The following INTS10 variants were observed in gnomAD, a reference collection of about 807,000 sequenced individuals.
INTS10 encodes the protein chromosome 8 open reading frame 35.
Under a neutral mutation model 94.4 loss-of-function variants are expected in INTS10, and 44 were observed. The ratio of observed to expected loss-of-function variants is 0.47; its 90% confidence interval spans 0.37 to 0.60. The LOEUF (loss-of-function observed/expected upper bound fraction) is 0.60, where lower values mean the gene tolerates loss of function less well. INTS10 is among the 20% of genes least tolerant of loss of function. The pLI is 0.00. For missense variants in INTS10, 797 were observed against 868.7 expected, an observed-to-expected ratio of 0.92 and a Z score of 1.04; for synonymous variants, 341 against 320.7, an observed-to-expected ratio of 1.06 and a Z score of -0.68.
Position 19,817,437 on chromosome 8 carries a change from C to T in INTS10, c.-101C>T, listed in dbSNP as rs905728886. The T allele has an allele frequency of 2.3e-5, 32 of 1,384,428 alleles. No homozygotes were observed. The highest frequency in any genetic ancestry group is 1.3e-4 in the Admixed American group (6 of 46,964). 85.8% of individuals were successfully genotyped at this position (1,384,428 alleles called of 1,614,324 possible). A position where few individuals can be genotyped will look rare whatever the true frequency, so the allele number is the denominator to read the frequency against. ...CTCCAGACATGCGCAGTAGCCTCCC[C>T]CGCGGTGGCGGCGGCGGCGGCGGTG... On this transcript the variant is annotated 5_prime_UTR_variant, in exon 1 of 17. Coordinates refer to ENST00000397977, the MANE Select transcript of INTS10 (RefSeq NM_018142.4).
At position 19,830,641 on chromosome 8, in the gene INTS10, C is replaced by A. The variant is rs568636976; in HGVS notation, c.1294+82C>A. The A allele has an allele frequency of 1.3e-4, 169 of 1,308,202 alleles. 1 individual carries two copies. Among genetic ancestry groups the A allele is most frequent in the South Asian group, 5.9e-4 (44 of 74,658 alleles). The allele number at this position is 1,308,202 out of a possible 1,614,324, so 81.0% of individuals were successfully genotyped here. The stretch of plus-strand genomic sequence containing the variant: ...ACTTCAAATGTCAGGTCACTTACGG[C>A]AAATTAAGTTGATTACAGTAGTTCA... On this transcript the variant is annotated intron_variant, in intron 10 of 16. Transcript: ENST00000397977.
At chr8:19,823,847 T>A (rs186431945) in intron 6 of INTS10, 26 bp from the exon 7 acceptor site, 48 of 1,555,470 alleles carry the variant, frequency 3.1e-5, no homozygotes, top group Non-Finnish European at 2.3e-5. Flanking sequence ...ATGTTAATTG[T>A]AGGCTACTTT....
At chr8:19,837,219 T>G in intron 13 of INTS10, 59 bp downstream of exon 13, 3 of 1,067,220 alleles carry the variant, frequency 2.8e-6, no homozygotes, top group Non-Finnish European at 4.3e-6. Context: ...CCAGGCACGG[T>G]GGCTCACACT....
At chr8:19,835,955 T>A (rs1325865812) in intron 12 of INTS10, among the ~76,000 whole-genome samples, 1 of 151,876 alleles carries the variant, frequency 6.6e-6, no homozygotes, top group Non-Finnish European at 1.5e-5. Context: ...TGAGAACACA[T>A]GGACACAGGC....
At chr8:19,845,164 G>A (rs75856096) in intron 15 of INTS10, among the ~76,000 whole-genome samples, 36 of 152,190 alleles carry the variant, frequency 2.4e-4, no homozygotes, top group Non-Finnish European at 4.7e-4. Context: ...GAATGTCATC[G>A]ACATATTGCA....
intron 1 of INTS10, 140 bp from the exon 2 acceptor site, chr8:19,818,135 A>G (rs1049840389): frequency 1.2e-6 from 1 of 802,498 alleles, no homozygotes; most frequent in Non-Finnish European, 2.2e-6. Context: ...CAAGTCTGCC[A>G]TGTATGTGGC....
In INTS10 at chr8:19,846,849, C is replaced by T. The variant is rs527990655; in HGVS notation, c.1976+1052C>T. Among the ~76,000 whole-genome samples the T allele has an allele frequency of 5.3e-5, 8 of 152,328 alleles. No homozygotes were observed. The South Asian group carries it at 1.7e-3, about 32-fold the overall frequency. On this transcript the variant is annotated intron_variant, in intron 16 of 16. Transcript: ENST00000397977. This position sits in a 1 kb window ranked among gnomAD's most constrained non-coding sequence, Gnocchi z 4.2. ...GTGTAGTTTTATTTTCATACTTCCT[C>T]CTTTGCTTCCTGCACATTCAGTGTG...
intron 13 of INTS10, among the ~76,000 whole-genome samples, chr8:19,842,191 T>C (rs1022682451): frequency 6.6e-6 from 1 of 152,230 alleles, no homozygotes; most frequent in Non-Finnish European, 1.5e-5. Context: ...GTAAAAGGAA[T>C]GCAGACAACA....
intron 6 of INTS10, 23 bp from the exon 7 acceptor site, chr8:19,823,850 G>C (rs750278966): frequency 1.3e-6 from 2 of 1,557,444 alleles, no homozygotes; most frequent in Non-Finnish European, 1.7e-6. Flanking sequence ...TTAATTGTAG[G>C]CTACTTTTTT....
chr8:19,844,766 G>T (rs1324272616), intron 15 of INTS10, among the ~76,000 whole-genome samples: 2 of 152,208 alleles, frequency 1.3e-5, no homozygotes, highest in Admixed American at 1.3e-4. Flanking sequence ...ATTAGGGAAA[G>T]ACCTTTGAAT....
Position 19,851,832 on chromosome 8 carries a change from T to C in INTS10, c.*27T>C. ...TGGAGACCTTTCCACCAGACACAGC[T>C]CGGGCCTGTGTAATTGTAGGAGAAG... is the stretch of plus-strand genomic sequence containing the variant. On this transcript the variant is annotated 3_prime_UTR_variant, in exon 17 of 17. Coordinates refer to ENST00000397977, the MANE Select transcript of INTS10 (RefSeq NM_018142.4). This position sits in a 1 kb window ranked among gnomAD's most constrained non-coding sequence, Gnocchi z 5.0. The C allele has an allele frequency of 1.2e-6, 2 of 1,606,770 alleles. No homozygotes were observed. The highest frequency in any genetic ancestry group is 2.7e-5 in the African/African-American group (2 of 74,864).
At chr8:19,835,376 G>T (rs1405071555) in intron 12 of INTS10, among the ~76,000 whole-genome samples, 2 of 152,130 alleles carry the variant, frequency 1.3e-5, no homozygotes, top group Admixed American at 6.5e-5. Flanking sequence ...TAGAAGCAGG[G>T]TGTGGGGAAT....
Position 19,851,718 on chromosome 8 carries a change from G to A in INTS10, c.2046G>A (p.Gln682=). ...KEDFRLAMER[Q]VSRCGENLMV... ...ACTTTCGCCTGGCCATGGAGCGCCA[G>A]GTCTCCCGCTGTGGAGAGAATCTGA... Residue 682 remains glutamine (Q), a synonymous_variant, in exon 17 of 17, where the codon CAG becomes CAA. Coordinates refer to ENST00000397977, the MANE Select transcript of INTS10 (RefSeq NM_018142.4). The surrounding 1 kb of genome is among the most constrained non-coding windows in gnomAD (Gnocchi z 5.0). 6.2e-7 allele frequency: 1 copy of A among 1,614,006 alleles called. No homozygotes were observed. The highest frequency in any genetic ancestry group is 8.5e-7 in the Non-Finnish European group (1 of 1,179,868).
At chr8:19,835,912 G>C in intron 12 of INTS10, among the ~76,000 whole-genome samples, 1 of 152,134 alleles carries the variant, frequency 6.6e-6, no homozygotes, top group South Asian at 2.1e-4. Flanking sequence ...CGGGAAGCAT[G>C]GGTTTAAATC....
intron 15 of INTS10, among the ~76,000 whole-genome samples, chr8:19,844,976 C>T (rs1436176471): frequency 6.6e-6 from 1 of 151,994 alleles, no homozygotes. Context: ...TAGCTCACTG[C>T]AGTCTTAAAC....
chr8:19,823,071 A>C (rs182065536), intron 5 of INTS10, among the ~76,000 whole-genome samples: 1 of 152,204 alleles, frequency 6.6e-6, no homozygotes, highest in South Asian at 2.1e-4. Flanking sequence ...TCTGAATTCA[A>C]TGGAAGAACT....
intron 2 of INTS10, chr8:19,818,692 C>A: frequency 3.3e-6 from 1 of 306,160 alleles, no homozygotes; most frequent in Non-Finnish European, 6.4e-6. Context: ...GGCAGTATAT[C>A]TATACATGTA....
chr8:19,827,021 C>T (rs974706000), intron 9 of INTS10, among the ~76,000 whole-genome samples: 1 of 152,120 alleles, frequency 6.6e-6, no homozygotes, highest in African/African-American at 2.4e-5. Context: ...AGCCTATGGG[C>T]AGATGCAGAA....
rs1323321924 is a variant in INTS10 at position 19,824,955 on chromosome 8, A to G, written c.989A>G (p.Gln330Arg). The change falls in exon 8 of 17, where the codon CAG becomes CGG. Residue 330 changes from glutamine (Q) to arginine (R), a missense_variant. Transcript: ENST00000397977. ...KNAFQYVNSI[Q>R]PSLFQGPNAP... ...GCATTCCAGTATGTCAACAGCATAC[A>G]GCCATCTCTCTTCCAAGGTTGGTTT... The G allele has an allele frequency of 6.2e-7, 1 of 1,613,762 alleles. No homozygotes were observed. Among genetic ancestry groups the G allele is most frequent in the Non-Finnish European group, 8.5e-7 (1 of 1,179,902 alleles).
Sources: allele counts gnomAD v4.1 joint callset (sites outside exome capture counted in the v4.1 genomes callset), GRCh38; gene constraint gnomAD v4.1.1; non-coding constraint Gnocchi (gnomAD v3.1); transcripts MANE v1.5; gene names NCBI Gene and HGNC (gene_info 2026-07-23, HGNC 2026-07-21).